The following TNRC6B variants were observed in gnomAD, a reference collection of about 807,000 sequenced individuals.
TNRC6B encodes the protein trinucleotide repeat containing adaptor 6B, also known as trinucleotide repeat-containing gene 6B protein.
In TNRC6B, 52 loss-of-function variants were observed where a neutral mutation model predicts 203.6. The ratio of observed to expected loss-of-function variants is 0.26; its 90% CI spans 0.20 to 0.32. TNRC6B has a LOEUF of 0.32. Among genes scored for constraint, TNRC6B ranks in the 10% least tolerant of loss-of-function variants. The pLI is 1.00. For synonymous variants in TNRC6B, 838 were observed against 845.7 expected (o/e 0.99, Z 0.16); for missense variants, 1,923 against 2,286.2 (o/e 0.84, Z 3.24).
chr22:40,110,133 A>T (rs2068320150), intron 1 of TNRC6B, among the ~76,000 whole-genome samples: 1 of 152,224 alleles, frequency 6.6e-6, no homozygotes, highest in Non-Finnish European at 1.5e-5. Context: ...TTAACATGTT[A>T]ATCTGCTTAA....
intron 3 of TNRC6B, among the ~76,000 whole-genome samples, chr22:40,148,233 C>T (rs375680518): frequency 1.2e-4 from 18 of 151,250 alleles, no homozygotes; most frequent in East Asian, 7.8e-4. Flanking sequence ...AACTCTCATA[C>T]GCTGCTGGAA....
intron 3 of TNRC6B, among the ~76,000 whole-genome samples, chr22:40,142,412 T>TTAA (rs2146339106): frequency 6.6e-6 from 1 of 152,234 alleles, no homozygotes; most frequent in African/African-American, 2.4e-5. Context: ...GGGTAGGGCT[T>TTAA]AGGCATCTTT....
intron 1 of TNRC6B, among the ~76,000 whole-genome samples, chr22:40,106,006 C>A (rs2068279739): frequency 6.6e-6 from 1 of 152,120 alleles, no homozygotes; most frequent in Non-Finnish European, 1.5e-5. Flanking sequence ...TTTTCTTTTG[C>A]ATCAACCTTA....
chr22:40,315,918 A>G, intron 20 of TNRC6B, 24 bp from the exon 21 acceptor site: 1 of 1,595,772 alleles, frequency 6.3e-7, no homozygotes, highest in Non-Finnish European at 8.6e-7. Context: ...TTCTCTTCCT[A>G]ACCATTTTTC....
At position 40,332,065 on chromosome 22, in the gene TNRC6B, T is replaced by C. The variant is rs1569075803; in HGVS notation, c.*8824T>C. 1 of 163,320 alleles carries C rather than the reference T, an allele frequency of 6.1e-6. No homozygotes were observed. Among genetic ancestry groups the C allele is most frequent in the Non-Finnish European group, 1.3e-5 (1 of 75,254 alleles). The allele number at this position is 163,320 out of a possible 1,614,324, so 10.1% of individuals were successfully genotyped here. A position where few individuals can be genotyped will look rare whatever the true frequency, so the allele number is the denominator to read the frequency against. ...CTCCAGTGTTCTCTGGAAAAAGTACTCATCCTTTCCTGAATTCAGAGCCCT... is the reference window on the plus strand; with the variant it reads ...CTCCAGTGTTCTCTGGAAAAAGTACCCATCCTTTCCTGAATTCAGAGCCCT... On this transcript the variant is annotated 3_prime_UTR_variant, in exon 23 of 23. Coordinates refer to ENST00000454349, the MANE Select transcript of TNRC6B (RefSeq NM_001162501.2).
At chr22:40,305,513 G>T (rs549764535) in intron 15 of TNRC6B, among the ~76,000 whole-genome samples, 1 of 152,178 alleles carries the variant, frequency 6.6e-6, no homozygotes, top group Non-Finnish European at 1.5e-5. Flanking sequence ...ACCCACTAGA[G>T]CACAGTGTCC....
intron 4 of TNRC6B, among the ~76,000 whole-genome samples, chr22:40,162,325 A>T (rs571663376): frequency 1.3e-5 from 2 of 151,534 alleles, no homozygotes; most frequent in South Asian, 2.1e-4. Context: ...CAATCTCCTG[A>T]CCTCGTGATC....
At chr22:40,139,622 G>C (rs546684402) in intron 3 of TNRC6B, among the ~76,000 whole-genome samples, 1 of 152,196 alleles carries the variant, frequency 6.6e-6, no homozygotes, top group Non-Finnish European at 1.5e-5. Context: ...GCGAGCCACT[G>C]TGCCTGGCCT....
At chr22:40,132,950 A>T (rs1475091199) in intron 3 of TNRC6B, among the ~76,000 whole-genome samples, 4 of 91,478 alleles carry the variant, frequency 4.4e-5, no homozygotes, top group African/African-American at 1.5e-4. Context: ...TCTCAAAAAA[A>T]AAAAAAAAAA....
At chr22:40,077,234 T>C (rs1219126725) in intron 1 of TNRC6B, among the ~76,000 whole-genome samples, 1 of 152,038 alleles carries the variant, frequency 6.6e-6, no homozygotes, top group Non-Finnish European at 1.5e-5. Flanking sequence ...GTAGTCTGCA[T>C]AGGTTATCTC....
intron 1 of TNRC6B, among the ~76,000 whole-genome samples, chr22:40,205,451 T>G (rs1236872508): frequency 6.6e-6 from 1 of 152,200 alleles, no homozygotes; most frequent in East Asian, 1.9e-4. Flanking sequence ...ATTAATGTAA[T>G]TACTGAAAAT....
intron 1 of TNRC6B, among the ~76,000 whole-genome samples, chr22:40,086,234 T>G (rs2068099119): frequency 6.6e-6 from 1 of 152,182 alleles, no homozygotes; most frequent in Admixed American, 6.5e-5. Context: ...AAAGGCAGAT[T>G]AAATGATTGA....
chr22:40,231,368 C>A (rs1338347503), intron 1 of TNRC6B, among the ~76,000 whole-genome samples: 1 of 152,126 alleles, frequency 6.6e-6, no homozygotes, highest in African/African-American at 2.4e-5. Context: ...TAAGTCTTTT[C>A]ATTCATGAGC....
rs1192541148 is a variant in TNRC6B, at chr22:40,178,149, A to G, written c.5+9A>G. 1 of 1,613,628 alleles carries G rather than the reference A, an allele frequency of 6.2e-7. No individual in the cohort carries two copies. ...CTGCTGCACTTTATGAGGTTGGTAA[A>G]TATTTTCAATTTTTTTTAACCAATT... On this transcript the variant is annotated intron_variant, in intron 1 of 22. Coordinates refer to ENST00000454349, the MANE Select transcript of TNRC6B (RefSeq NM_001162501.2).
rs1305448102 is a variant in TNRC6B, at chr22:40,266,526, A to G, written c.2296A>G (p.Ser766Gly). 3 of 1,613,704 alleles carry G rather than the reference A, an allele frequency of 1.9e-6. No homozygotes were observed. The highest frequency in any genetic ancestry group is 4.5e-5 in the East Asian group (2 of 44,890). ...TKNSNWESSA[S>G]KPVSGWGEGG... ...AAACAGCAATTGGGAAAGTTCTGCAAGTAAACCTGTGTCTGGGTGGGGTGA... is the reference window on the plus strand; with the variant it reads ...AAACAGCAATTGGGAAAGTTCTGCAGGTAAACCTGTGTCTGGGTGGGGTGA... Residue 766 changes from serine to glycine, a missense_variant, in exon 5 of 23, where the codon AGT becomes GGT. Physicochemically the swap from Ser to Gly is moderately conservative, Grantham distance 56 (BLOSUM62 0). This residue lies in a region of TNRC6B where 599 missense variants were observed against 656.5 expected (regional missense o/e 0.91). Transcript: ENST00000454349.
At chr22:40,057,575 C>T (rs1302162388) in intron 1 of TNRC6B, among the ~76,000 whole-genome samples, 1 of 152,138 alleles carries the variant, frequency 6.6e-6, no homozygotes, top group Non-Finnish European at 1.5e-5. Flanking sequence ...CGTGAGCCAC[C>T]CTGCCTGGCC....
chr22:40,051,010 A>T lies in TNRC6B; in HGVS notation c.-121+6012A>T, dbSNP rs551709506. Among the ~76,000 whole-genome samples, 3 of 152,010 alleles carry T rather than the reference A, an allele frequency of 2.0e-5. No homozygotes were observed. The South Asian group carries it at 6.2e-4, about 32-fold the overall frequency. Reference sequence around the variant, plus strand: ...TGGCTAATTTTTGTATTTTTAGTAAAGATGGGGTTTCACCATATTAGCCAG... The same window carrying T: ...TGGCTAATTTTTGTATTTTTAGTAATGATGGGGTTTCACCATATTAGCCAG... On this transcript the variant is annotated intron_variant, in intron 1 of 23. Transcript: ENST00000301923.
intron 4 of TNRC6B, among the ~76,000 whole-genome samples, chr22:40,162,613 C>T (rs978433994): frequency 2.0e-5 from 3 of 152,140 alleles, no homozygotes; most frequent in African/African-American, 4.8e-5. Context: ...TTGTTGTTAA[C>T]GTTTTAATTT....
chr22:40,108,928 C>G (rs1315630618), intron 1 of TNRC6B, among the ~76,000 whole-genome samples: 1 of 150,982 alleles, frequency 6.6e-6, no homozygotes, highest in Non-Finnish European at 1.5e-5. Flanking sequence ...GTCTCCCTCC[C>G]CCCGCCACCC....
Sources: allele counts gnomAD v4.1 joint callset (sites outside exome capture counted in the v4.1 genomes callset), GRCh38; gene constraint gnomAD v4.1.1; regional missense constraint gnomAD v4.1.1; transcripts MANE v1.5; gene names NCBI Gene and HGNC (gene_info 2026-07-23, HGNC 2026-07-21).